Variants in CLVS1 observed in about 807,000 individuals in gnomAD.
CLVS1 encodes the protein clavesin-1.
CLVS1 carries 10 observed loss-of-function variants against 33.1 expected under a neutral mutation model. The ratio of observed to expected loss-of-function variants is 0.30; its 90% CI spans 0.19 to 0.51. CLVS1 has a LOEUF of 0.51. Ranked by LOEUF, CLVS1 falls within the 20% of genes least tolerant of loss-of-function variation. The pLI, the probability that CLVS1 is intolerant of heterozygous loss-of-function variation, is 0.97. For synonymous variants in CLVS1, 163 were observed against 166.1 expected (o/e 0.98, Z 0.14); for missense variants, 343 against 433.4 (o/e 0.79, Z 1.85).
chr8:61,239,879 G>T (rs1051811082), intron 2 of CLVS1, among the ~76,000 whole-genome samples: 7 of 152,036 alleles, frequency 4.6e-5, no homozygotes, highest in African/African-American at 1.7e-4. Flanking sequence ...TTATCTCCTT[G>T]TTTGGAAAAT....
chr8:61,204,386 A>G (rs1259551780), intron 2 of CLVS1, among the ~76,000 whole-genome samples: 1 of 152,228 alleles, frequency 6.6e-6, no homozygotes, highest in Non-Finnish European at 1.5e-5. Context: ...GGGTTTCAGG[A>G]AGCAAATTAT....
chr8:61,001,643 A>G, the CLVS1 span, among the ~76,000 whole-genome samples: 15 of 151,926 alleles, frequency 9.9e-5, no homozygotes, highest in African/African-American at 3.6e-4. Context: ...TGGATGGACC[A>G]CTCCCCTTTG....
At chr8:61,060,439 A>G (rs1008268875) in intron 1 of CLVS1, among the ~76,000 whole-genome samples, 7 of 152,186 alleles carry the variant, frequency 4.6e-5, no homozygotes, top group African/African-American at 1.4e-4. Context: ...CTGATCATTC[A>G]GCAGTTTAGG....
At chr8:61,120,657 TG>T (rs1297503733) in intron 1 of CLVS1, among the ~76,000 whole-genome samples, 59 of 135,764 alleles carry the variant, frequency 4.3e-4, no homozygotes, top group Middle Eastern at 3.4e-3. Flanking sequence ...CTGCCCCTGC[TG>T]GGGGGTGCCT....
At chr8:61,040,983 T>G in the CLVS1 span, among the ~76,000 whole-genome samples, 8 of 152,214 alleles carry the variant, frequency 5.3e-5, no homozygotes, top group Non-Finnish European at 1.0e-4. Flanking sequence ...ATTTAAATCT[T>G]TAATCCATCT....
intron 3 of CLVS1, among the ~76,000 whole-genome samples, chr8:61,430,455 A>G (rs1302197455): frequency 6.6e-6 from 1 of 152,216 alleles, no homozygotes; most frequent in Non-Finnish European, 1.5e-5. Context: ...ATTCCCCCCA[A>G]GGGCACTTAC....
chr8:61,348,133 T>C (rs1812304204), intron 2 of CLVS1, among the ~76,000 whole-genome samples: 1 of 152,046 alleles, frequency 6.6e-6, no homozygotes, highest in Non-Finnish European at 1.5e-5. Flanking sequence ...TGTCCCCAAA[T>C]CCCTGGTTTC....
At chr8:61,262,673 A>G (rs959327941) in intron 2 of CLVS1, among the ~76,000 whole-genome samples, 1 of 152,170 alleles carries the variant, frequency 6.6e-6, no homozygotes, top group Non-Finnish European at 1.5e-5. Flanking sequence ...CTGCTGACCA[A>G]CACCCAGCTC....
At chr8:61,358,307 C>T (rs1812827112) in intron 2 of CLVS1, among the ~76,000 whole-genome samples, 1 of 152,222 alleles carries the variant, frequency 6.6e-6, no homozygotes, top group Admixed American at 6.5e-5. Context: ...GTAAAATCAA[C>T]ATATAATTAT....
intron 3 of CLVS1, among the ~76,000 whole-genome samples, chr8:61,379,097 A>G (rs1563525693): frequency 6.6e-6 from 1 of 152,202 alleles, no homozygotes; most frequent in East Asian, 1.9e-4. Flanking sequence ...ATGCACCCTC[A>G]GAGAGACCTG....
chr8:61,154,058 A>C (rs764727294), intron 2 of CLVS1, among the ~76,000 whole-genome samples: 18 of 152,136 alleles, frequency 1.2e-4, no homozygotes, highest in Non-Finnish European at 2.9e-5. Context: ...CCCCACAAAG[A>C]AGAGAGCGGC....
At chr8:61,348,819 A>T (rs991282815) in intron 2 of CLVS1, among the ~76,000 whole-genome samples, 4 of 152,168 alleles carry the variant, frequency 2.6e-5, no homozygotes, top group Admixed American at 2.6e-4. Context: ...TAATGGTTGT[A>T]CTAATGTACA....
chr8:61,410,370 T>C (rs895772566), intron 3 of CLVS1, among the ~76,000 whole-genome samples: 1 of 152,206 alleles, frequency 6.6e-6, no homozygotes, highest in Non-Finnish European at 1.5e-5. Context: ...TGTCTATTCA[T>C]GTAGAGATAC....
At chr8:61,054,084 GCTCAATAGTGGGAGGCGCTTC>G (rs1279085221), upstream of CLVS1, among the ~76,000 whole-genome samples, 2 of 152,340 alleles carry the variant, frequency 1.3e-5, no homozygotes, top group South Asian at 2.1e-4. Flanking sequence ...GACGCCAGCT[GCTCAATAGTGGGAGGCGCTTC>G]CTCAATAGTG....
intron 2 of CLVS1, among the ~76,000 whole-genome samples, chr8:61,361,234 C>T (rs1356772439): frequency 6.6e-6 from 1 of 152,188 alleles, no homozygotes; most frequent in Non-Finnish European, 1.5e-5. Context: ...TACAATTCAA[C>T]ATGAGATTTG....
chr8:61,323,998 A>G lies in CLVS1; in HGVS notation c.455+23716A>G, dbSNP rs1811288497. 2.0e-5 allele frequency among the ~76,000 whole-genome samples: 3 copies of G among 152,188 alleles called. No homozygotes were observed. The South Asian group carries it at 6.2e-4, about 31-fold the overall frequency. On this transcript the variant is annotated intron_variant, in intron 2 of 5. Coordinates refer to ENST00000325897, the MANE Select transcript of CLVS1 (RefSeq NM_173519.3). ...TCATTCTTTTTTGTGGCTGAATAGTATTCCACAGTGTAAATGTACCACATT... is the reference window on the plus strand; with the variant it reads ...TCATTCTTTTTTGTGGCTGAATAGTGTTCCACAGTGTAAATGTACCACATT...
At chr8:61,245,221 A>G (rs150757796) in intron 2 of CLVS1, among the ~76,000 whole-genome samples, 1,679 of 150,702 alleles carry the variant, frequency 0.011, 14 homozygotes, top group Non-Finnish European at 0.017. Flanking sequence ...TTTTTCTTTG[A>G]CAGAGTCTTG....
At chr8:61,270,868 T>A (rs1400541424) in intron 2 of CLVS1, among the ~76,000 whole-genome samples, 4 of 152,166 alleles carry the variant, frequency 2.6e-5, no homozygotes, top group Non-Finnish European at 4.4e-5. Context: ...ATATCCCCTT[T>A]ATCATTTTTT....
intron 5 of CLVS1, among the ~76,000 whole-genome samples, chr8:61,466,821 G>C (rs924958312): frequency 6.6e-6 from 1 of 151,968 alleles, no homozygotes; most frequent in African/African-American, 2.4e-5. Flanking sequence ...CTAATTTTTT[G>C]TATTTTTAGT....
Sources: allele counts gnomAD v4.1 joint callset (sites outside exome capture counted in the v4.1 genomes callset), GRCh38; gene constraint gnomAD v4.1.1; transcripts MANE v1.5; gene names NCBI Gene and HGNC (gene_info 2026-07-23, HGNC 2026-07-21).